ARHGAP30: variants seen among roughly 807,000 people sequenced by gnomAD.
ARHGAP30 encodes the protein Rho GTPase activating protein 30, also known as rho GTPase-activating protein 30.
Under a neutral mutation model 72.0 loss-of-function variants are expected in ARHGAP30, and 23 were observed. The observed-to-expected ratio is 0.32, with a 90% CI of 0.23 to 0.45. The LOEUF (loss-of-function observed/expected upper bound fraction) is 0.45, where lower values mean the gene tolerates loss of function less well. Ranked by LOEUF, ARHGAP30 falls within the 20% of genes least tolerant of loss-of-function variation. The probability of loss-of-function intolerance (pLI) is 1.00; values close to 1 mark genes in which losing one functional copy is unlikely to be tolerated. For synonymous variants in ARHGAP30, 576 were observed against 528.2 expected, an observed-to-expected ratio of 1.09 and a Z score of -1.24; for missense variants, 1,319 against 1,383.4, an observed-to-expected ratio of 0.95 and a Z score of 0.74.
Position 161,047,654 on chromosome 1 carries a change from C to A in ARHGAP30, c.*61G>T. The A allele has an allele frequency of 6.7e-7, 1 of 1,482,712 alleles. No individual in the cohort carries two copies. Among genetic ancestry groups the A allele is most frequent in the South Asian group, 1.5e-5 (1 of 68,606 alleles). 91.8% of individuals were successfully genotyped at this position (1,482,712 alleles called of 1,614,324 possible). ...TCATGCTGCAGAGGAGACAGCTAGTCAGGAACCCTGGAGATTCAAGACAAC... is the reference window on the plus strand; with the variant it reads ...TCATGCTGCAGAGGAGACAGCTAGTAAGGAACCCTGGAGATTCAAGACAAC... On this transcript the variant is annotated 3_prime_UTR_variant, in exon 12 of 12. Coordinates refer to ENST00000368013, the MANE Select transcript of ARHGAP30 (RefSeq NM_001025598.2).
At chr1:161,064,840 A>AGGAGAG (rs1423756874) in intron 1 of ARHGAP30, among the ~76,000 whole-genome samples, 1 of 112,028 alleles carries the variant, frequency 8.9e-6, no homozygotes, top group African/African-American at 4.1e-5. Context: ...AGAGAAAGAA[A>AGGAGAG]GAAAGAAAGG....
chr1:161,048,948 A>G lies in ARHGAP30; in HGVS notation c.2073T>C (p.Asp691=), dbSNP rs377524162. 1.2e-5 allele frequency: 19 copies of G among 1,611,448 alleles called. No individual in the cohort carries two copies. The African/African-American group carries it at 1.6e-4, about 14-fold the overall frequency. ...CTTGGCTTCCCCCAGCCTCCCCTCT[A>G]TCCTCACTGGCCTTTCCAGCCTCCA... ...TKVEAGKASE[D]RGEAGGSQET... is the part of the protein sequence containing the mutation. Residue 691 remains aspartate, a synonymous_variant, in exon 12 of 12, where the codon GAT becomes GAC. Coordinates refer to ENST00000368013, the MANE Select transcript of ARHGAP30 (RefSeq NM_001025598.2).
rs531216712 is a variant in ARHGAP30, at chr1:161,066,748, C to T, written c.97+2780G>A. Among the ~76,000 whole-genome samples the T allele has an allele frequency of 7.3e-5, 11 of 151,668 alleles. No homozygotes were observed. The South Asian group carries it at 2.1e-3, about 29-fold the overall frequency. On this transcript the variant is annotated intron_variant, in intron 1 of 11. Transcript: ENST00000368013. ...TGCACCCTAGTCATGTCTCTTGCCT[C>T]GTCTTAGTCTCAGTCCTACAGTTCA...
Position 161,048,338 on chromosome 1 carries a change from G to T in ARHGAP30, c.2683C>A (p.Pro895Thr), listed in dbSNP as rs967200766. ...TGCCCCTCAGGCTCCATCTCCTCTG[G>T]CTGAGGTGGCTGTGGGGCTACCTCT... ...MEEVAPQPPQ[P>T]EEMEPEGQPS... The change falls in exon 12 of 12, where the codon CCA becomes ACA. Residue 895 changes from proline to threonine, a missense_variant. Pro to Thr is a conservative substitution (Grantham distance 38). Around this residue, in one of 2 missense-constraint regions of ARHGAP30, gnomAD observed 1,097 missense variants for 1,045.2 expected, o/e 1.05. Coordinates refer to ENST00000368013, the MANE Select transcript of ARHGAP30 (RefSeq NM_001025598.2). The T allele has an allele frequency of 1.4e-5, 22 of 1,614,044 alleles. No individual in the cohort carries two copies. The highest frequency in any genetic ancestry group is 1.7e-5 in the Non-Finnish European group (20 of 1,180,034).
chr1:161,049,044 C>T lies in ARHGAP30; in HGVS notation c.1977G>A (p.Glu659=). 2 of 1,614,124 alleles carry T rather than the reference C, an allele frequency of 1.2e-6. No homozygotes were observed. The highest frequency in any genetic ancestry group is 1.3e-5 in the African/African-American group (1 of 75,038). Residue 659 remains glutamate (E), a synonymous_variant, in exon 12 of 12, where the codon GAG becomes GAA. Coordinates refer to ENST00000368013, the MANE Select transcript of ARHGAP30 (RefSeq NM_001025598.2). ...GEEQACWEVG[E]DKQAEPGGRL... ...TGCCTCCAGGCTCAGCCTGCTTGTC[C>T]TCCCCAACTTCCCAGCATGCCTGCT...
At chr1:161,058,331 A>G (rs533110000) in intron 2 of ARHGAP30, among the ~76,000 whole-genome samples, 4 of 150,946 alleles carry the variant, frequency 2.6e-5, no homozygotes, top group Non-Finnish European at 4.4e-5. Context: ...ATAAATAAAT[A>G]AATAAATACA....
intron 5 of ARHGAP30, 37 bp downstream of exon 5, chr1:161,054,329 C>T (rs757912694): frequency 5.6e-5 from 89 of 1,584,808 alleles, no homozygotes; most frequent in Non-Finnish European, 7.3e-5. Context: ...GCCAGTGTCT[C>T]ACAGGATCCC....
Position 161,048,818 on chromosome 1 carries a change from C to G in ARHGAP30, c.2203G>C (p.Glu735Gln), listed in dbSNP as rs745571102. 3.7e-6 allele frequency: 6 copies of G among 1,614,162 alleles called. No individual in the cohort carries two copies. The South Asian group carries it at 6.6e-5, about 18-fold the overall frequency. The change falls in exon 12 of 12, where the codon GAG becomes CAG. Residue 735 changes from glutamate (E) to glutamine (Q), a missense_variant. Physicochemically the swap from Glu to Gln is conservative, Grantham distance 29. This residue lies in a region of ARHGAP30 where 1,097 missense variants were observed against 1,045.2 expected (regional missense o/e 1.05). Coordinates refer to ENST00000368013, the MANE Select transcript of ARHGAP30 (RefSeq NM_001025598.2). ...GTATACTCATCTCCTCCTGGTTCCTCCACACCTTTAGCCTCCATACTGTCA... is the reference window on the plus strand; with the variant it reads ...GTATACTCATCTCCTCCTGGTTCCTGCACACCTTTAGCCTCCATACTGTCA... Reference protein sequence around the residue: ...KADSMEAKGVEEPGGDEYTDE... With the variant: ...KADSMEAKGVQEPGGDEYTDE...
intron 9 of ARHGAP30, 83 bp from the exon 10 acceptor site, chr1:161,051,798 T>C: frequency 1.4e-6 from 2 of 1,447,468 alleles, no homozygotes; most frequent in Non-Finnish European, 1.8e-6. Context: ...TGGAGAATGC[T>C]CTCTGCTTTC....
chr1:161,066,503 C>A (rs1652778707), intron 1 of ARHGAP30, among the ~76,000 whole-genome samples: 2 of 151,202 alleles, frequency 1.3e-5, no homozygotes, highest in Admixed American at 1.3e-4. Flanking sequence ...CAAAAATTAG[C>A]CAGGCGTGGT....
intron 2 of ARHGAP30, among the ~76,000 whole-genome samples, chr1:161,057,315 G>A (rs150748396): frequency 1.8e-4 from 27 of 151,948 alleles, no homozygotes; most frequent in African/African-American, 5.8e-4. Flanking sequence ...CACCATGCCC[G>A]GCTAAACAAA....
chr1:161,064,910 G>A (rs566099026), intron 1 of ARHGAP30, among the ~76,000 whole-genome samples: 1 of 149,870 alleles, frequency 6.7e-6, no homozygotes, highest in South Asian at 2.2e-4. Flanking sequence ...GGGAGGGAGG[G>A]AAGGAAGAGA....
At chr1:161,050,939 G>T (rs1651312770) in intron 10 of ARHGAP30, among the ~76,000 whole-genome samples, 1 of 152,200 alleles carries the variant, frequency 6.6e-6, no homozygotes, top group African/African-American at 2.4e-5. Context: ...ACGGCGCCTG[G>T]CTGGTACTTA....
Position 161,053,310 on chromosome 1 carries a change from C to T in ARHGAP30, c.612G>A (p.Val204=), listed in dbSNP as rs1478473045. Reference sequence around the variant, plus strand: ...GGTCCACGTGTGTGAGGATGAACTCCACGACGATGGATTGTACCCGCACCT... The same window carrying T: ...GGTCCACGTGTGTGAGGATGAACTCTACGACGATGGATTGTACCCGCACCT... ...FMEVRVQSIV[V]EFILTHVDQL... The change falls in exon 6 of 12, where the codon GTG becomes GTA. Residue 204 remains valine, a synonymous_variant. Coordinates refer to ENST00000368013, the MANE Select transcript of ARHGAP30 (RefSeq NM_001025598.2). The T allele has an allele frequency of 6.2e-7, 1 of 1,613,978 alleles. No individual in the cohort carries two copies. The highest frequency in any genetic ancestry group is 1.7e-5 in the Admixed American group (1 of 60,000).
At chr1:161,057,155 C>G (rs1651934602) in intron 2 of ARHGAP30, among the ~76,000 whole-genome samples, 1 of 141,482 alleles carries the variant, frequency 7.1e-6, no homozygotes, top group South Asian at 2.3e-4. Context: ...GACAAATAAG[C>G]TAATTTTTTT....
chr1:161,050,750 C>G (rs1441908584), intron 10 of ARHGAP30, among the ~76,000 whole-genome samples: 6 of 152,028 alleles, frequency 3.9e-5, no homozygotes, highest in Admixed American at 1.3e-4. Context: ...AAGCGATTCT[C>G]CTGCCTCAGC....
In ARHGAP30 at chr1:161,064,833, G is replaced by GAAAGAAAGAA. The variant is rs1652627183; in HGVS notation, c.97+4685_97+4694dup. ...AAAGAAAGAAAGAAAGAAAGAAAGA[G>GAAAGAAAGAA]AAAGAAAGAAAGAAAGGAAAGGAAG... is the stretch of plus-strand genomic sequence containing the variant. On this transcript the variant is annotated intron_variant, in intron 1 of 11. Coordinates refer to ENST00000368013, the MANE Select transcript of ARHGAP30 (RefSeq NM_001025598.2). Among the ~76,000 whole-genome samples, 16 of 66,976 alleles carry GAAAGAAAGAA rather than the reference G, an allele frequency of 2.4e-4. 1 individual carries two copies. The highest frequency in any genetic ancestry group is 8.5e-4 in the African/African-American group (16 of 18,838). The allele number at this position is 66,976 out of a possible 152,430, so 43.9% of individuals were successfully genotyped here.
intron 3 of ARHGAP30, among the ~76,000 whole-genome samples, chr1:161,056,016 C>T (rs1183252428): frequency 6.6e-6 from 1 of 151,898 alleles, no homozygotes; most frequent in Non-Finnish European, 1.5e-5. Context: ...AAAAATTTTA[C>T]TTCTAAAAAG....
Position 161,047,744 on chromosome 1 carries a change from C to G in ARHGAP30, c.3277G>C (p.Ala1093Pro). The G allele has an allele frequency of 6.5e-7, 1 of 1,532,724 alleles. No homozygotes were observed. Among genetic ancestry groups the G allele is most frequent in the South Asian group, 1.3e-5 (1 of 77,436 alleles). 94.9% of individuals were successfully genotyped at this position (1,532,724 alleles called of 1,614,324 possible). A position where few individuals can be genotyped will look rare whatever the true frequency, so the allele number is the denominator to read the frequency against. ...QRRSYAFETQ[A>P]NPGKGEGL The stretch of plus-strand genomic sequence containing the variant: ...AGTCCTTCACCTTTCCCAGGGTTAG[C>G]CTGTGTTTCAAATGCATATGACCTG... The change falls in exon 12 of 12, where the codon GCT becomes CCT. Residue 1093 changes from alanine to proline, a missense_variant. Physicochemically the swap from Ala to Pro is conservative, Grantham distance 27 (BLOSUM62 -1). Transcript: ENST00000368013.
Sources: allele counts gnomAD v4.1 joint callset (sites outside exome capture counted in the v4.1 genomes callset), GRCh38; gene constraint gnomAD v4.1.1; regional missense constraint gnomAD v4.1.1; transcripts MANE v1.5; gene names NCBI Gene and HGNC (gene_info 2026-07-23, HGNC 2026-07-21).